LRMDA: variants seen among roughly 807,000 people sequenced by gnomAD.
LRMDA encodes leucine-rich melanocyte differentiation-associated protein.
A neutral mutation model predicts 29.8 loss-of-function variants in LRMDA; 18 were observed. The observed-to-expected ratio is 0.60, with a 90% confidence interval of 0.42 to 0.90. The LOEUF (loss-of-function observed/expected upper bound fraction) is 0.90, where lower values mean the gene tolerates loss of function less well. Ranked by LOEUF, LRMDA falls within the 40% of genes least tolerant of loss-of-function variation. LRMDA has a pLI of 0.00. For missense variants in LRMDA, 273 were observed against 273.9 expected (o/e 1.00, Z 0.02); for synonymous variants, 125 against 109.4 (o/e 1.14, Z -0.89).
In LRMDA at chr10:76,047,022, T is replaced by G. The variant is rs1848450111; in HGVS notation, c.259-142T>G. 4 of 887,158 alleles carry G rather than the reference T, an allele frequency of 4.5e-6. No homozygotes were observed. The South Asian group carries it at 6.3e-5, about 14-fold the overall frequency. The allele number at this position is 887,158 out of a possible 1,614,324, so 55.0% of individuals were successfully genotyped here. A position where few individuals can be genotyped will look rare whatever the true frequency, so the allele number is the denominator to read the frequency against. Reference sequence around the variant, plus strand: ...TGGGAGTGAAAAAGTAGCAATACCGTATACCCACAGCTGAATTGATTTCAG... The same window carrying G: ...TGGGAGTGAAAAAGTAGCAATACCGGATACCCACAGCTGAATTGATTTCAG... On this transcript the variant is annotated intron_variant, in intron 3 of 6. Transcript: ENST00000611255.
At chr10:75,547,552 GT>G (rs1446100203) in intron 2 of LRMDA, among the ~76,000 whole-genome samples, 3 of 152,194 alleles carry the variant, frequency 2.0e-5, no homozygotes, top group Non-Finnish European at 4.4e-5. Context: ...ATGTGTGTGT[GT>G]TTCGTCTTTA....
intron 5 of LRMDA, among the ~76,000 whole-genome samples, chr10:76,184,886 A>G (rs781073425): frequency 1.3e-5 from 2 of 152,218 alleles, no homozygotes; most frequent in Non-Finnish European, 2.9e-5. Context: ...TCTTGAGACT[A>G]ATCTACATAT....
chr10:75,873,967 C>A (rs1845154440), intron 2 of LRMDA, among the ~76,000 whole-genome samples: 1 of 152,108 alleles, frequency 6.6e-6, no homozygotes, highest in African/African-American at 2.4e-5. Context: ...ACAGCCTTCT[C>A]TTATTTCTCT....
intron 6 of LRMDA, among the ~76,000 whole-genome samples, chr10:76,446,838 C>A (rs1385032167): frequency 6.6e-6 from 1 of 152,182 alleles, no homozygotes; most frequent in African/African-American, 2.4e-5. Flanking sequence ...TTTGGGCAGA[C>A]CTGCCTTGTA....
At chr10:76,510,683 T>G (rs934538510) in intron 6 of LRMDA, among the ~76,000 whole-genome samples, 2 of 152,174 alleles carry the variant, frequency 1.3e-5, no homozygotes, top group Non-Finnish European at 2.9e-5. Context: ...TCCTTGGAGC[T>G]CTGAAATTCT....
At chr10:75,634,886 A>G (rs2132115386) in intron 2 of LRMDA, among the ~76,000 whole-genome samples, 1 of 152,324 alleles carries the variant, frequency 6.6e-6, no homozygotes, top group South Asian at 2.1e-4. Flanking sequence ...AGAATGGGGG[A>G]TTTATATGAG....
At chr10:76,463,353 G>A (rs1842531988) in intron 6 of LRMDA, among the ~76,000 whole-genome samples, 1 of 152,184 alleles carries the variant, frequency 6.6e-6, no homozygotes, top group African/African-American at 2.4e-5. Flanking sequence ...TAAATCAAAA[G>A]GAAAAGCTAT....
Position 76,421,314 on chromosome 10 carries a change from T to C in LRMDA, c.601+96829T>C, listed in dbSNP as rs113977068. On this transcript the variant is annotated intron_variant, in intron 6 of 6. Transcript: ENST00000611255. Reference sequence around the variant, plus strand: ...GGTCCTTGTCTTAAAGTTTAGTTTATTTGGTATTTGTAAACATACACTTTC... The same window carrying C: ...GGTCCTTGTCTTAAAGTTTAGTTTACTTGGTATTTGTAAACATACACTTTC... Among the ~76,000 whole-genome samples, 1,231 of 152,312 alleles carry C rather than the reference T, an allele frequency of 8.1e-3. 13 individuals carry two copies. The highest frequency in any genetic ancestry group is 0.028 in the African/African-American group (1,172 of 41,574).
At chr10:76,378,591 A>G (rs1841549405) in intron 6 of LRMDA, among the ~76,000 whole-genome samples, 1 of 151,996 alleles carries the variant, frequency 6.6e-6, no homozygotes, top group South Asian at 2.1e-4. Context: ...AATCATGAAG[A>G]GATGCTGAAT....
intron 2 of LRMDA, among the ~76,000 whole-genome samples, chr10:75,735,403 GGTTGA>G (rs1842749960): frequency 6.6e-6 from 1 of 152,284 alleles, no homozygotes; most frequent in South Asian, 2.1e-4. Flanking sequence ...TTCTTGGTTA[GGTTGA>G]GTTGAGTTGA....
At chr10:75,446,431 T>C (rs184047316) in intron 2 of LRMDA, among the ~76,000 whole-genome samples, 10 of 152,340 alleles carry the variant, frequency 6.6e-5, no homozygotes, top group African/African-American at 1.4e-4. Context: ...ATGGTTGTCA[T>C]TGGGGCTCCT....
chr10:75,724,481 G>T (rs369426660), intron 2 of LRMDA, among the ~76,000 whole-genome samples: 3 of 152,110 alleles, frequency 2.0e-5, no homozygotes, highest in Admixed American at 2.0e-4. Context: ...TCTGAGGTAT[G>T]GGAAGAGACA....
chr10:76,458,444 T>C (rs1462676080), intron 6 of LRMDA, among the ~76,000 whole-genome samples: 1 of 152,218 alleles, frequency 6.6e-6, no homozygotes, highest in Non-Finnish European at 1.5e-5. Context: ...ATTGATACTT[T>C]TGTCAAATTC....
chr10:76,129,346 C>T (rs931495095), intron 5 of LRMDA, among the ~76,000 whole-genome samples: 9 of 152,328 alleles, frequency 5.9e-5, no homozygotes, highest in African/African-American at 2.2e-4. Context: ...AGCCAGGCCT[C>T]ACTCTCCTAC....
At chr10:76,281,949 G>A (rs1422130033) in intron 5 of LRMDA, among the ~76,000 whole-genome samples, 2 of 152,150 alleles carry the variant, frequency 1.3e-5, no homozygotes, top group African/African-American at 4.8e-5. Context: ...CCCCATTGTA[G>A]CCCTGCCTGA....
intron 5 of LRMDA, among the ~76,000 whole-genome samples, chr10:76,160,500 A>G (rs1850625833): frequency 1.3e-5 from 2 of 151,988 alleles, no homozygotes; most frequent in South Asian, 4.1e-4. Context: ...GATGTCTGGG[A>G]TTCATTCAAA....
At chr10:76,065,021 T>C (rs887545406) in intron 5 of LRMDA, among the ~76,000 whole-genome samples, 1 of 152,160 alleles carries the variant, frequency 6.6e-6, no homozygotes, top group Non-Finnish European at 1.5e-5. Flanking sequence ...GAGAGGAAAA[T>C]TTTTTAATTA....
At chr10:76,255,541 C>T (rs1347728436) in intron 5 of LRMDA, among the ~76,000 whole-genome samples, 2 of 152,162 alleles carry the variant, frequency 1.3e-5, no homozygotes, top group East Asian at 3.8e-4. Flanking sequence ...AGTCCACAGC[C>T]ATTGCCAGGA....
intron 3 of LRMDA, among the ~76,000 whole-genome samples, chr10:76,046,887 C>T (rs910698400): frequency 1.3e-5 from 2 of 152,192 alleles, no homozygotes; most frequent in African/African-American, 2.4e-5. Flanking sequence ...AGAAACAGAA[C>T]TATAGAGGAA....
Sources: allele counts gnomAD v4.1 joint callset (sites outside exome capture counted in the v4.1 genomes callset), GRCh38; gene constraint gnomAD v4.1.1; transcripts MANE v1.5; gene names NCBI Gene and HGNC (gene_info 2026-07-23, HGNC 2026-07-21).